The following ANKRD30B variants were observed in gnomAD, a reference collection of about 807,000 sequenced individuals.
ANKRD30B encodes the protein ankyrin repeat domain 30B.
ANKRD30B carries 144 observed loss-of-function variants against 202.2 expected under a neutral mutation model. The observed-to-expected ratio is 0.71, with a 90% CI of 0.62 to 0.82. The LOEUF is 0.82. Among genes scored for constraint, ANKRD30B ranks in the 40% least tolerant of loss-of-function variants. The pLI is 0.00. For missense variants in ANKRD30B, 1,487 were observed against 1,669.1 expected, an observed-to-expected ratio of 0.89 and a Z score of 1.90; for synonymous variants, 508 against 561.3, an observed-to-expected ratio of 0.91 and a Z score of 1.34.
intron 16 of ANKRD30B, among the ~76,000 whole-genome samples, chr18:14,793,058 T>G (rs1968632208): frequency 6.6e-6 from 1 of 152,194 alleles, no homozygotes; most frequent in Admixed American, 6.5e-5. Context: ...TAATTAAGTT[T>G]GCTGTTCCTG....
downstream of ANKRD30B, among the ~76,000 whole-genome samples, chr18:14,858,966 A>C (rs376451614): frequency 0.077 from 3,421 of 44,582 alleles, 133 homozygotes; most frequent in African/African-American, 0.11. Context: ...CTGGCAGAGG[A>C]ACTCCTCACC....
chr18:14,797,792 G>T lies in ANKRD30B; in HGVS notation c.1967G>T (p.Gly656Val), dbSNP rs754797356. The change falls in exon 20 of 44, where the codon GGA becomes GTA. Residue 656 changes from glycine (G) to valine (V), a missense_variant. By Grantham distance (109) the Gly-to-Val change is moderately radical (BLOSUM62 -3). Around this residue, in one of 6 missense-constraint regions of ANKRD30B, gnomAD observed 889 missense variants for 841.4 expected, o/e 1.06. Transcript: ENST00000690538. ...DKDGLLKPTCGRKVSLPNKAL... is the reference protein window; with the variant it reads ...DKDGLLKPTCVRKVSLPNKAL... Reference sequence around the variant, plus strand: ...TCCGAACCCATTTAGCCTACCTGTGGAAGGAAAGTTTCTCTTCCAAATAAA... The same window carrying T: ...TCCGAACCCATTTAGCCTACCTGTGTAAGGAAAGTTTCTCTTCCAAATAAA... 7.5e-5 allele frequency: 117 copies of T among 1,559,568 alleles called. 1 individual carries two copies. The highest frequency in any genetic ancestry group is 3.2e-4 in the East Asian group (13 of 41,232).
chr18:14,770,572 G>A (rs755599131), intron 8 of ANKRD30B, among the ~76,000 whole-genome samples: 1 of 152,214 alleles, frequency 6.6e-6, no homozygotes, highest in Non-Finnish European at 1.5e-5. Context: ...ATCAGGGAAA[G>A]GCCAAGTTTG....
chr18:14,861,662 G>A, the ANKRD30B span, among the ~76,000 whole-genome samples: 2 of 150,390 alleles, frequency 1.3e-5, no homozygotes, highest in Non-Finnish European at 3.0e-5. Context: ...ATACACAGCT[G>A]TACAATAATC....
chr18:14,803,819 T>C lies in ANKRD30B; in HGVS notation c.2279T>C (p.Leu760Ser), dbSNP rs774613960. ...GAATTCGATACCTTAAGTGGAAAAT[T>C]AGAAGGTAAGAACCATATTTTATTT... Reference protein sequence around the residue: ...QKEFDTLSGKLEESPDKDGLL... With the variant: ...QKEFDTLSGKSEESPDKDGLL... The change falls in exon 24 of 44, where the codon TTA becomes TCA. Residue 760 changes from leucine (L) to serine (S), a missense_variant. Leu to Ser is a moderately radical substitution (Grantham distance 145). Transcript: ENST00000690538. 6.3e-7 allele frequency: 1 copy of C among 1,597,328 alleles called. No homozygotes were observed.
At chr18:14,821,248 C>T (rs1047882134) in intron 30 of ANKRD30B, among the ~76,000 whole-genome samples, 6 of 152,060 alleles carry the variant, frequency 3.9e-5, no homozygotes, top group East Asian at 1.9e-4. Flanking sequence ...TTTGATTCTT[C>T]TCCCTTTTTT....
the ANKRD30B span, among the ~76,000 whole-genome samples, chr18:14,900,595 T>C: frequency 6.6e-6 from 1 of 152,196 alleles, no homozygotes; most frequent in Non-Finnish European, 1.5e-5. Flanking sequence ...TCCCAACTTT[T>C]ATTCTCTCCT....
intron 16 of ANKRD30B, among the ~76,000 whole-genome samples, chr18:14,793,867 C>T (rs1291790130): frequency 6.6e-6 from 1 of 151,612 alleles, no homozygotes; most frequent in Non-Finnish European, 1.5e-5. Flanking sequence ...GCACTCCAGC[C>T]TGGGCGACAG....
intron 34 of ANKRD30B, among the ~76,000 whole-genome samples, chr18:14,836,158 T>C (rs1971160765): frequency 1.3e-5 from 2 of 152,164 alleles, no homozygotes; most frequent in South Asian, 4.1e-4. Context: ...GTAATTTTCC[T>C]CATGTAGGTC....
At position 14,830,575 on chromosome 18, in the gene ANKRD30B, A is replaced by G. The variant is rs1036220966; in HGVS notation, c.2775-808A>G. Reference sequence around the variant, plus strand: ...TTTTAAGTGGTTTTTATGCTGAAAAACAAAGAATGTCATTTTCCAGTGACA... The same window carrying G: ...TTTTAAGTGGTTTTTATGCTGAAAAGCAAAGAATGTCATTTTCCAGTGACA... On this transcript the variant is annotated intron_variant, in intron 33 of 43. Transcript: ENST00000690538. 2.6e-5 allele frequency among the ~76,000 whole-genome samples: 4 copies of G among 152,264 alleles called. No individual in the cohort carries two copies. In the East Asian group the frequency reaches 5.8e-4, roughly 22 times the overall value.
rs190520962 is a variant in ANKRD30B at position 14,794,634 on chromosome 18, G to T, written c.1826-1587G>T. Among the ~76,000 whole-genome samples, 9 of 152,146 alleles carry T rather than the reference G, an allele frequency of 5.9e-5. No homozygotes were observed. The South Asian group carries it at 1.9e-3, about 32-fold the overall frequency. On this transcript the variant is annotated intron_variant, in intron 16 of 43. Transcript: ENST00000690538. ...ATGAATCGAGGACGATCTTCTCATC[G>T]TAATTAAAGCGGGTTTTTATTTAAA... is the stretch of plus-strand genomic sequence containing the variant.
the ANKRD30B span, among the ~76,000 whole-genome samples, chr18:14,890,386 T>C: frequency 1.3e-5 from 2 of 151,694 alleles, no homozygotes; most frequent in Non-Finnish European, 2.9e-5. Context: ...ATTTCTAATT[T>C]ACTATAATAA....
intron 1 of ANKRD30B, 120 bp downstream of exon 1, chr18:14,748,760 C>G (rs1357118710): frequency 2.7e-6 from 3 of 1,104,492 alleles, no homozygotes; most frequent in South Asian, 3.4e-5. Context: ...GAGTGGCGGG[C>G]GATGGGGCGG....
chr18:14,757,891 T>C lies in ANKRD30B; in HGVS notation c.694T>C (p.Phe232Leu). Residue 232 changes from phenylalanine to leucine, a missense_variant, in exon 5 of 44, where the codon TTT (phenylalanine) becomes CTT (leucine). Transcript: ENST00000690538. ...GCTTCTTCAGCAAAATGTTGACGTC[T>C]TTGCTGAAGACATACATGGAATAAC... Reference protein sequence around the residue: ...GMLLQQNVDVFAEDIHGITAE... With the variant: ...GMLLQQNVDVLAEDIHGITAE... The C allele has an allele frequency of 6.2e-7, 1 of 1,612,842 alleles. No homozygotes were observed. The highest frequency in any genetic ancestry group is 8.5e-7 in the Non-Finnish European group (1 of 1,179,334).
chr18:14,909,274 T>C, the ANKRD30B span, among the ~76,000 whole-genome samples: 1 of 152,272 alleles, frequency 6.6e-6, no homozygotes, highest in African/African-American at 2.4e-5. Context: ...CCCAGTGTCC[T>C]AGGTGGAGGG....
the ANKRD30B span, among the ~76,000 whole-genome samples, chr18:14,936,778 G>A: frequency 6.6e-6 from 1 of 152,218 alleles, no homozygotes; most frequent in East Asian, 1.9e-4. Flanking sequence ...GAGTAACTGA[G>A]GCTTCACATC....
At chr18:14,858,676 A>T (rs1342503903), downstream of ANKRD30B, among the ~76,000 whole-genome samples, 1 of 123,358 alleles carries the variant, frequency 8.1e-6, no homozygotes, top group African/African-American at 3.1e-5. Flanking sequence ...CACTCCTCAC[A>T]TCCCAGACGA....
At chr18:14,902,236 G>T in the ANKRD30B span, among the ~76,000 whole-genome samples, 23 of 152,120 alleles carry the variant, frequency 1.5e-4, no homozygotes, top group African/African-American at 5.6e-4. Flanking sequence ...GAAGATTTAG[G>T]TGGGGACACA....
At chr18:14,829,914 C>T (rs1442644169) in intron 33 of ANKRD30B, among the ~76,000 whole-genome samples, 1 of 152,120 alleles carries the variant, frequency 6.6e-6, no homozygotes, top group Non-Finnish European at 1.5e-5. Flanking sequence ...AGGCAGGTGT[C>T]CCCTCCCGTT....
Sources: allele counts gnomAD v4.1 joint callset (sites outside exome capture counted in the v4.1 genomes callset), GRCh38; gene constraint gnomAD v4.1.1; regional missense constraint gnomAD v4.1.1; transcripts MANE v1.5; gene names NCBI Gene and HGNC (gene_info 2026-07-23, HGNC 2026-07-21).